Variants in TJP1 observed in about 807,000 individuals in gnomAD.
TJP1 encodes the protein tight junction protein ZO-1.
TJP1 carries 43 observed loss-of-function variants against 194.2 expected under a neutral mutation model. That is an observed-to-expected ratio of 0.22 (90% CI 0.17 to 0.29). The LOEUF is 0.29. TJP1 is among the 10% of genes least tolerant of loss of function. The pLI, the probability that TJP1 is intolerant of heterozygous loss-of-function variation, is 1.00. For synonymous variants in TJP1, 801 were observed against 779.0 expected, an observed-to-expected ratio of 1.03 and a Z score of -0.47; for missense variants, 1,971 against 2,185.7, an observed-to-expected ratio of 0.90 and a Z score of 1.96.
At chr15:29,762,466 G>T in intron 5 of TJP1, 28 bp from the exon 6 acceptor site, 1 of 1,558,658 alleles carries the variant, frequency 6.4e-7, no homozygotes. Context: ...AGTGTTTTTA[G>T]TATAACATCC....
At chr15:29,941,511 T>C (rs537180061) in intron 2 of TJP1, among the ~76,000 whole-genome samples, 1 of 152,172 alleles carries the variant, frequency 6.6e-6, no homozygotes, top group Non-Finnish European at 1.5e-5. Context: ...TACAGACCTC[T>C]AGGGTTGGGA....
chr15:29,785,400 C>A (rs2047638565), intron 2 of TJP1, among the ~76,000 whole-genome samples: 1 of 152,182 alleles, frequency 6.6e-6, no homozygotes, highest in Non-Finnish European at 1.5e-5. Context: ...ACAGTTCCAA[C>A]AGGGACCTTG....
At chr15:29,898,297 C>T (rs1323533844) in intron 2 of TJP1, among the ~76,000 whole-genome samples, 1 of 152,166 alleles carries the variant, frequency 6.6e-6, no homozygotes, top group Non-Finnish European at 1.5e-5. Flanking sequence ...CCATGTGAGA[C>T]ATTCCTTTCA....
chr15:29,781,062 T>C (rs951823921), intron 2 of TJP1, among the ~76,000 whole-genome samples: 1 of 151,804 alleles, frequency 6.6e-6, no homozygotes, highest in Admixed American at 6.6e-5. Context: ...ATTGTATTTT[T>C]GAAAAAAAAT....
intron 16 of TJP1, 85 bp from the exon 17 acceptor site, chr15:29,727,076 C>G (rs78670086): frequency 1.7e-6 from 2 of 1,211,500 alleles, no homozygotes; most frequent in African/African-American, 1.5e-5. Context: ...CAGTGGCTCA[C>G]GCTACGCCTA....
intron 2 of TJP1, among the ~76,000 whole-genome samples, chr15:29,909,017 T>C (rs1449605255): frequency 2.7e-5 from 4 of 148,346 alleles, no homozygotes; most frequent in South Asian, 2.1e-4. Context: ...ATTATCCGGG[T>C]GTGGTGGTGG....
At chr15:29,730,423 T>C (rs1005237495) in intron 15 of TJP1, among the ~76,000 whole-genome samples, 10 of 148,564 alleles carry the variant, frequency 6.7e-5, no homozygotes, top group Non-Finnish European at 1.3e-4. Flanking sequence ...TCTACAAAAA[T>C]AATAATAATA....
intron 16 of TJP1, among the ~76,000 whole-genome samples, chr15:29,727,365 C>T (rs981506649): frequency 2.6e-5 from 4 of 151,974 alleles, no homozygotes; most frequent in Non-Finnish European, 5.9e-5. Context: ...CAAATACAAA[C>T]CAAAACAAAA....
chr15:29,708,966 C>T lies in TJP1; in HGVS notation c.4443G>A (p.Lys1481=). The part of the protein sequence containing the change: ...SKPDPPPSQN[K]PATFRPPNRE... Reference sequence around the variant, plus strand: ...GGTTTGGTGGTCTGAAAGTTGCTGGCTTATTCTGAGATGGAGGTGGGTCTG... The same window carrying T: ...GGTTTGGTGGTCTGAAAGTTGCTGGTTTATTCTGAGATGGAGGTGGGTCTG... The change falls in exon 25 of 28, where the codon AAG becomes AAA. Residue 1481 remains lysine (K), a synonymous_variant. Transcript: ENST00000614355. 1 of 1,614,036 alleles carries T rather than the reference C, an allele frequency of 6.2e-7. No individual in the cohort carries two copies.
rs778340433 is a variant in TJP1 at position 29,719,831 on chromosome 15, G to A, written c.2949C>T (p.His983=). Residue 983 remains histidine, a synonymous_variant, in exon 20 of 28, where the codon CAC becomes CAT. Coordinates refer to ENST00000614355, the MANE Select transcript of TJP1 (RefSeq NM_001330239.4). ...ATGGTTCTTGATCTCTTAGCATTATGTGAGCTGCCTCAGTACTTGGTGTTC... is the reference window on the plus strand; with the variant it reads ...ATGGTTCTTGATCTCTTAGCATTATATGAGCTGCCTCAGTACTTGGTGTTC... The part of the protein sequence containing the change: ...SLRTPSTEAA[H]IMLRDQEPSL... 1 of 1,614,174 alleles carries A rather than the reference G, an allele frequency of 6.2e-7. No individual in the cohort carries two copies. The highest frequency in any genetic ancestry group is 8.5e-7 in the Non-Finnish European group (1 of 1,180,004).
At chr15:29,765,628 C>T (rs1337918664) in intron 5 of TJP1, among the ~76,000 whole-genome samples, 1 of 152,080 alleles carries the variant, frequency 6.6e-6, no homozygotes, top group Non-Finnish European at 1.5e-5. Context: ...AGTGGCTTCC[C>T]GCCTATAATC....
chr15:29,726,872 T>C lies in TJP1; in HGVS notation c.2220A>G (p.Arg740=). 2 of 1,614,204 alleles carry C rather than the reference T, an allele frequency of 1.2e-6. No homozygotes were observed. The highest frequency in any genetic ancestry group is 1.7e-6 in the Non-Finnish European group (2 of 1,180,040). ...PDSKQGVKTM[R]MRLCPESRKS... is the part of the protein sequence containing the mutation. The stretch of plus-strand genomic sequence containing the variant: ...TCCGAGATTCTGGACATAACCTCAT[T>C]CTCATTGTTTTTACTCCTTGCTTAG... Residue 740 remains arginine, a synonymous_variant, in exon 17 of 28, where the codon AGA becomes AGG. Coordinates refer to ENST00000614355, the MANE Select transcript of TJP1 (RefSeq NM_001330239.4).
At chr15:29,710,026 G>A (rs1464451417) in intron 24 of TJP1, among the ~76,000 whole-genome samples, 3 of 152,114 alleles carry the variant, frequency 2.0e-5, no homozygotes, top group Non-Finnish European at 2.9e-5. Context: ...TGCGCCTATA[G>A]TCCCAGCTAC....
chr15:29,850,289 G>A (rs1482019905), intron 2 of TJP1, among the ~76,000 whole-genome samples: 2 of 152,142 alleles, frequency 1.3e-5, no homozygotes, highest in East Asian at 3.9e-4. Context: ...TTTATTGTGA[G>A]GAATATTATT....
At chr15:29,769,069 A>C (rs530701344) in intron 4 of TJP1, among the ~76,000 whole-genome samples, 3 of 152,230 alleles carry the variant, frequency 2.0e-5, no homozygotes, top group Non-Finnish European at 4.4e-5. Flanking sequence ...CAAAACAACA[A>C]ACACAAACAA....
At chr15:29,895,897 T>A (rs1046865570) in intron 2 of TJP1, among the ~76,000 whole-genome samples, 2 of 152,136 alleles carry the variant, frequency 1.3e-5, no homozygotes, top group Non-Finnish European at 2.9e-5. Context: ...ATTCAAGGTG[T>A]CAGTAGACCC....
intron 2 of TJP1, among the ~76,000 whole-genome samples, chr15:29,799,436 G>A (rs570392774): frequency 3.3e-5 from 5 of 150,100 alleles, no homozygotes; most frequent in Admixed American, 6.6e-5. Flanking sequence ...TTTTTTGAGA[G>A]GGAGTCTCGC....
chr15:29,798,272 T>G (rs1032436693), intron 2 of TJP1, among the ~76,000 whole-genome samples: 7 of 1,420 alleles, frequency 4.9e-3, no homozygotes, highest in African/African-American at 5.5e-3. Context: ...TGCCCAGCGT[T>G]TTTTTTTTTT....
chr15:29,897,129 C>G (rs542978215), intron 2 of TJP1, among the ~76,000 whole-genome samples: 19 of 152,314 alleles, frequency 1.2e-4, no homozygotes, highest in African/African-American at 4.3e-4. Flanking sequence ...CTGCCCATCA[C>G]AGGCTCAGAG....
Sources: allele counts gnomAD v4.1 joint callset (sites outside exome capture counted in the v4.1 genomes callset), GRCh38; gene constraint gnomAD v4.1.1; transcripts MANE v1.5; gene names NCBI Gene and HGNC (gene_info 2026-07-23, HGNC 2026-07-21).